Variants in TDRD6 observed in about 807,000 individuals in gnomAD.
The protein encoded by TDRD6 is tudor domain-containing protein 6.
A neutral mutation model predicts 157.5 loss-of-function variants in TDRD6; 186 were observed. That is an observed-to-expected ratio of 1.18 (90% CI 1.05 to 1.33). The LOEUF (loss-of-function observed/expected upper bound fraction) is 1.33, where lower values mean the gene tolerates loss of function less well. Ranked by LOEUF, TDRD6 falls within the 40% of genes most tolerant of loss-of-function variation. The probability of loss-of-function intolerance (pLI) is 0.00; values close to 1 mark genes in which losing one functional copy is unlikely to be tolerated. For missense variants in TDRD6, 3,066 were observed against 2,508.0 expected (o/e 1.22, Z -4.75); for synonymous variants, 1,075 against 945.2 (o/e 1.14, Z -2.52).
At chr6:46,697,429 G>A (rs1764526731) in intron 2 of TDRD6, among the ~76,000 whole-genome samples, 1 of 152,138 alleles carries the variant, frequency 6.6e-6, no homozygotes, top group African/African-American at 2.4e-5. Flanking sequence ...TATCTGCTTA[G>A]AGGTCTTTTC....
chr6:46,695,988 A>T (rs1222288938), intron 2 of TDRD6, 43 bp downstream of exon 2: 1 of 1,588,292 alleles, frequency 6.3e-7, no homozygotes, highest in Admixed American at 1.8e-5. Context: ...GTATTTGCAG[A>T]CTATTAAGGA....
chr6:46,699,277 C>T (rs751034112), intron 3 of TDRD6, among the ~76,000 whole-genome samples: 18 of 152,192 alleles, frequency 1.2e-4, no homozygotes, highest in Admixed American at 9.8e-4. Context: ...TCTGTTTGCC[C>T]GTAAGAGCGA....
upstream of TDRD6, among the ~76,000 whole-genome samples, chr6:46,686,689 GATTCATTC>G (rs140854422): frequency 0.016 from 2,448 of 152,234 alleles, 33 homozygotes; most frequent in Non-Finnish European, 0.025. Flanking sequence ...AGAGAAATTG[GATTCATTC>G]ATTCATTCAT....
chr6:46,688,673 T>C lies in TDRD6; in HGVS notation c.545T>C (p.Leu182Pro), dbSNP rs760420020. The C allele has an allele frequency of 1.9e-6, 3 of 1,600,062 alleles. No individual in the cohort carries two copies. Among genetic ancestry groups the C allele is most frequent in the Non-Finnish European group, 2.5e-6 (3 of 1,179,866 alleles). The change falls in exon 1 of 4, where the codon CTG becomes CCG. Residue 182 changes from leucine (L) to proline (P), a missense_variant. Physicochemically the swap from Leu to Pro is moderately conservative, Grantham distance 98. Transcript: ENST00000316081. ...DVLLLHRLVL[L>P]EVPDVFQQMR... Reference sequence around the variant, plus strand: ...CTGCTGCTCCATCGCCTGGTCCTCCTGGAGGTGCCTGATGTGTTCCAACAG... The same window carrying C: ...CTGCTGCTCCATCGCCTGGTCCTCCCGGAGGTGCCTGATGTGTTCCAACAG...
At chr6:46,686,315 T>C (rs80051992), upstream of TDRD6, among the ~76,000 whole-genome samples, 1,865 of 152,232 alleles carry the variant, frequency 0.012, 43 homozygotes, top group African/African-American at 0.042. Context: ...GTAAAGGCCA[T>C]AGTGTTAGAT....
the TDRD6 span, among the ~76,000 whole-genome samples, chr6:46,682,415 C>G: frequency 2.0e-5 from 3 of 151,896 alleles, no homozygotes; most frequent in African/African-American, 7.2e-5. Context: ...AGACTTTCTC[C>G]TTAAATCAGG....
chr6:46,697,288 A>G (rs1484706375), intron 2 of TDRD6, among the ~76,000 whole-genome samples: 12 of 152,128 alleles, frequency 7.9e-5, no homozygotes, highest in East Asian at 1.9e-4. Context: ...ACCAGGGAGC[A>G]TTCACTGATG....
Position 46,692,958 on chromosome 6 carries a change from CTGTG to C in TDRD6, c.4833_4836del (p.Cys1611TrpfsTer46). On this transcript the variant is annotated frameshift_variant, in exon 1 of 4. Transcript: ENST00000316081. LOFTEE classifies it high-confidence loss of function. ...TTGTGGACTTTGGAAACATTGAAGA[CTGTG>C]TGGACCCAAAAGCACTCTGGGCCAT... 6.2e-7 allele frequency: 1 copy of C among 1,613,256 alleles called. No homozygotes were observed. Among genetic ancestry groups the C allele is most frequent in the Non-Finnish European group, 8.5e-7 (1 of 1,179,474 alleles).
chr6:46,688,656 C>G lies in TDRD6; in HGVS notation c.528C>G (p.Leu176=), dbSNP rs201812782. 2 of 1,599,612 alleles carry G rather than the reference C, an allele frequency of 1.3e-6. No individual in the cohort carries two copies. The highest frequency in any genetic ancestry group is 1.7e-6 in the Non-Finnish European group (2 of 1,179,878). ...VHGCVLDVLL[L]HRLVLLEVPD... is the part of the protein sequence containing the mutation. ...GGTGCGTCCTGGACGTGCTGCTGCT[C>G]CATCGCCTGGTCCTCCTGGAGGTGC... is the stretch of plus-strand genomic sequence containing the variant. The change falls in exon 1 of 4, where the codon CTC becomes CTG. Residue 176 remains leucine (L), a synonymous_variant. Transcript: ENST00000316081.
chr6:46,681,944 G>A, the TDRD6 span, among the ~76,000 whole-genome samples: 4 of 151,824 alleles, frequency 2.6e-5, no homozygotes, highest in Non-Finnish European at 5.9e-5. Context: ...TTTCAGTTTG[G>A]GATGATGAAA....
chr6:46,692,029 A>G lies in TDRD6; in HGVS notation c.3901A>G (p.Ile1301Val), dbSNP rs765823014. 12 of 1,613,624 alleles carry G rather than the reference A, an allele frequency of 7.4e-6. No individual in the cohort carries two copies. The highest frequency in any genetic ancestry group is 2.7e-5 in the African/African-American group (2 of 74,900). Residue 1301 changes from isoleucine (I) to valine (V), a missense_variant, in exon 1 of 4, where the codon ATA becomes GTA. By Grantham distance (29) the Ile-to-Val change is conservative. Transcript: ENST00000316081. ...ATTTTGTGAGTTCCCACAGAAGACT[A>G]TAATGCCTGGATTTAAAACAACTGT... ...LKFCEFPQKT[I>V]MPGFKTTVYV...
At position 46,688,859 on chromosome 6, in the gene TDRD6, C is replaced by A. The variant is rs371536719; in HGVS notation, c.731C>A (p.Pro244His). ...CAGCCTGGTCTGGATTACTTCTATC[C>A]CCAGCTGCAGCTGGGCGTGACGGAG... ...QKQPGLDYFYPQLQLGVTEAV... is the reference protein window; with the variant it reads ...QKQPGLDYFYHQLQLGVTEAV... The change falls in exon 1 of 4, where the codon CCC becomes CAC. Residue 244 changes from proline to histidine, a missense_variant. Transcript: ENST00000316081. The A allele has an allele frequency of 1.2e-6, 2 of 1,610,668 alleles. No individual in the cohort carries two copies. Among genetic ancestry groups the A allele is most frequent in the South Asian group, 1.1e-5 (1 of 90,876 alleles).
upstream of TDRD6, among the ~76,000 whole-genome samples, chr6:46,685,135 AT>A (rs953339619): frequency 2.8e-4 from 41 of 147,920 alleles, no homozygotes; most frequent in East Asian, 1.8e-3. Flanking sequence ...TTTCAAATTT[AT>A]TTTTTTTACT....
upstream of TDRD6, among the ~76,000 whole-genome samples, chr6:46,685,051 A>T (rs1764059140): frequency 6.8e-6 from 1 of 147,558 alleles, no homozygotes; most frequent in South Asian, 2.1e-4. Flanking sequence ...AATGATGTTG[A>T]AAATCTTTTC....
rs188770881 is a variant in TDRD6, at chr6:46,691,828, A to G, written c.3700A>G (p.Asn1234Asp). Residue 1234 changes from asparagine (N) to aspartate (D), a missense_variant, in exon 1 of 4, where the codon AAC becomes GAC. By Grantham distance (23) the Asn-to-Asp change is conservative (BLOSUM62 1). Coordinates refer to ENST00000316081, the MANE Select transcript of TDRD6 (RefSeq NM_001010870.3). ...ACTTTTACAAAGTTTAACAAAAACA[A>G]ACTTAGTCACTCAATATCAAGACTC... The part of the protein sequence containing the change: ...LKLLQSLTKT[N>D]LVTQYQDSVG... The G allele has an allele frequency of 1.2e-4, 186 of 1,604,124 alleles. 1 individual carries two copies. In the East Asian group the frequency reaches 3.7e-3, roughly 32 times the overall value.
chr6:46,695,975 A>G (rs747767564), intron 2 of TDRD6, 30 bp downstream of exon 2: 5 of 1,601,050 alleles, frequency 3.1e-6, no homozygotes, highest in Non-Finnish European at 3.4e-6. Context: ...TTTATCTCCA[A>G]ATGTATTTGC....
In TDRD6 at chr6:46,688,031, G is replaced by A. The variant is rs1464350754; in HGVS notation, c.-98G>A. The A allele has an allele frequency of 7.2e-7, 1 of 1,385,886 alleles. No individual in the cohort carries two copies. Among genetic ancestry groups the A allele is most frequent in the African/African-American group, 1.5e-5 (1 of 65,094 alleles). 85.8% of individuals were successfully genotyped at this position (1,385,886 alleles called of 1,614,324 possible). A position where few individuals can be genotyped will look rare whatever the true frequency, so the allele number is the denominator to read the frequency against. On this transcript the variant is annotated 5_prime_UTR_variant, in exon 1 of 4. Coordinates refer to ENST00000316081, the MANE Select transcript of TDRD6 (RefSeq NM_001010870.3). ...CCCTCCACTGGGTCCTTTGAACCTA[G>A]TTTGGCTGGGACTCGCCTTCAGGCG...
chr6:46,687,915 A>T lies in TDRD6; in HGVS notation c.-214A>T. ...CGGAAGCGCGACCTCGGGCGGTTGGAGGGGCTACCGGGTCTTACCAGTCCG... is the reference window on the plus strand; with the variant it reads ...CGGAAGCGCGACCTCGGGCGGTTGGTGGGGCTACCGGGTCTTACCAGTCCG... On this transcript the variant is annotated 5_prime_UTR_variant, in exon 1 of 4. Transcript: ENST00000316081. 1 of 662,224 alleles carries T rather than the reference A, an allele frequency of 1.5e-6. No individual in the cohort carries two copies. Among genetic ancestry groups the T allele is most frequent in the Non-Finnish European group, 2.3e-6 (1 of 437,114 alleles). 41.0% of individuals were successfully genotyped at this position (662,224 alleles called of 1,614,324 possible). A position where few individuals can be genotyped will look rare whatever the true frequency, so the allele number is the denominator to read the frequency against.
At position 46,688,150 on chromosome 6, in the gene TDRD6, C is replaced by A; in HGVS notation, c.22C>A (p.Pro8Thr). The part of the protein sequence containing the change: MCSTPGM[P>T]APGASLALRV... ...CAAGATGTGCTCGACGCCCGGAATG[C>A]CGGCGCCGGGGGCCTCGCTGGCCCT... The change falls in exon 1 of 4, where the codon CCG becomes ACG. Residue 8 changes from proline (P) to threonine (T), a missense_variant. Pro to Thr is a conservative substitution (Grantham distance 38). Coordinates refer to ENST00000316081, the MANE Select transcript of TDRD6 (RefSeq NM_001010870.3). 6.5e-7 allele frequency: 1 copy of A among 1,542,678 alleles called. No individual in the cohort carries two copies. The highest frequency in any genetic ancestry group is 8.7e-7 in the Non-Finnish European group (1 of 1,151,156).
Sources: allele counts gnomAD v4.1 joint callset (sites outside exome capture counted in the v4.1 genomes callset), GRCh38; gene constraint gnomAD v4.1.1; transcripts MANE v1.5; gene names NCBI Gene and HGNC (gene_info 2026-07-23, HGNC 2026-07-21).